The following EEPD1 variants were observed in gnomAD, a reference collection of about 807,000 sequenced individuals.
EEPD1 encodes the protein endonuclease/exonuclease/phosphatase family domain containing 1.
EEPD1 carries 17 observed loss-of-function variants against 46.3 expected under a neutral mutation model. The observed-to-expected ratio is 0.37, with a 90% CI of 0.25 to 0.55. The LOEUF (loss-of-function observed/expected upper bound fraction) is 0.55, where lower values mean the gene tolerates loss of function less well. Among genes scored for constraint, EEPD1 ranks in the 20% least tolerant of loss-of-function variants. The probability of loss-of-function intolerance (pLI) is 0.83; values close to 1 mark genes in which losing one functional copy is unlikely to be tolerated. For missense variants in EEPD1, 673 were observed against 745.6 expected (o/e 0.90, Z 1.13); for synonymous variants, 313 against 315.6 (o/e 0.99, Z 0.09).
intron 3 of EEPD1, among the ~76,000 whole-genome samples, chr7:36,242,495 C>T (rs187330183): frequency 1.1e-3 from 172 of 152,254 alleles, no homozygotes; most frequent in Non-Finnish European, 2.3e-3. Context: ...GTTGAGCTTC[C>T]AGTGTGCCAG....
At position 36,299,538 on chromosome 7, in the gene EEPD1, GAGA is replaced by G. The variant is rs578089413; in HGVS notation, c.*338_*340del. 5.9e-4 allele frequency: 198 copies of G among 336,562 alleles called. 1 individual carries two copies. The highest frequency in any genetic ancestry group is 3.8e-3 in the African/African-American group (184 of 48,130). The allele number at this position is 336,562 out of a possible 1,614,324, so 20.8% of individuals were successfully genotyped here. ...ACAAAGACAATATGAGCAGAGGGAGGAGAAGAAGGGGTGCTCAGGCTGCGGGCC... is the reference window on the plus strand; with the variant it reads ...ACAAAGACAATATGAGCAGAGGGAGGAGAAGGGGTGCTCAGGCTGCGGGCC... On this transcript the variant is annotated 3_prime_UTR_variant, in exon 8 of 8. Coordinates refer to ENST00000242108, the MANE Select transcript of EEPD1 (RefSeq NM_030636.3).
rs1440628552 is a variant in EEPD1 at position 36,185,743 on chromosome 7, A to G, written c.878+30541A>G. Among the ~76,000 whole-genome samples, 7 of 152,296 alleles carry G rather than the reference A, an allele frequency of 4.6e-5. No homozygotes were observed. The East Asian group carries it at 1.3e-3, about 29-fold the overall frequency. ...GAAAATCATGCCTCTACATCTTCTC[A>G]TGCTTCCTAAGCAGGCTTAAGGTTT... On this transcript the variant is annotated intron_variant, in intron 2 of 7. Transcript: ENST00000242108.
Position 36,299,104 on chromosome 7 carries a change from C to G in EEPD1, c.1608C>G (p.Ala536=). ...CTTCTGAACACTGCCCAGTGCTAGC[C>G]GAGTTCTACACTGAAAAGGACTGGA... ...GVASEHCPVL[A]EFYTEKDWSK... is the part of the protein sequence containing the mutation. The change falls in exon 8 of 8, where the codon GCC becomes GCG. Residue 536 remains alanine, a synonymous_variant. Transcript: ENST00000242108. 6.2e-7 allele frequency: 1 copy of G among 1,611,534 alleles called. No individual in the cohort carries two copies. The highest frequency in any genetic ancestry group is 8.5e-7 in the Non-Finnish European group (1 of 1,177,880).
At chr7:36,161,897 CAA>C (rs10570788) in intron 2 of EEPD1, among the ~76,000 whole-genome samples, 41 of 127,106 alleles carry the variant, frequency 3.2e-4, no homozygotes, top group Non-Finnish European at 3.7e-4. Context: ...CTGTCTCTCT[CAA>C]AAAAAAAAAA....
intron 3 of EEPD1, among the ~76,000 whole-genome samples, chr7:36,280,060 G>C (rs1787236405): frequency 6.6e-6 from 1 of 152,172 alleles, no homozygotes; most frequent in Admixed American, 6.5e-5. Context: ...GAAGGAGTTC[G>C]AGCAGCGGGA....
intron 2 of EEPD1, among the ~76,000 whole-genome samples, chr7:36,176,363 A>G (rs1785179558): frequency 6.6e-6 from 1 of 152,160 alleles, no homozygotes; most frequent in African/African-American, 2.4e-5. Flanking sequence ...AGTTTGGAAG[A>G]AGCAAAGAAG....
chr7:36,188,998 G>T (rs1159943200), intron 2 of EEPD1, among the ~76,000 whole-genome samples: 1 of 152,222 alleles, frequency 6.6e-6, no homozygotes, highest in African/African-American at 2.4e-5. Context: ...TGGATAACCA[G>T]TTGAGTCATT....
At chr7:36,179,072 C>T (rs1432383976) in intron 2 of EEPD1, among the ~76,000 whole-genome samples, 1 of 152,186 alleles carries the variant, frequency 6.6e-6, no homozygotes, top group Non-Finnish European at 1.5e-5. Context: ...AATTTGCAAA[C>T]CAACTTTTTC....
chr7:36,298,105 G>C (rs576208826), intron 7 of EEPD1, among the ~76,000 whole-genome samples: 7 of 152,280 alleles, frequency 4.6e-5, no homozygotes, highest in Non-Finnish European at 1.0e-4. Flanking sequence ...TGTCATGGGA[G>C]GACCCAAATG....
intron 3 of EEPD1, among the ~76,000 whole-genome samples, chr7:36,263,472 A>G (rs1334593755): frequency 6.6e-6 from 1 of 152,238 alleles, no homozygotes; most frequent in Admixed American, 6.5e-5. Context: ...ACAAGGAGAC[A>G]GTCAAGAAAT....
rs960301890 is a variant in EEPD1 at position 36,155,057 on chromosome 7, C to T, written c.733C>T (p.Arg245Trp). 1 of 1,597,248 alleles carries T rather than the reference C, an allele frequency of 6.3e-7. No individual in the cohort carries two copies. The highest frequency in any genetic ancestry group is 8.5e-7 in the Non-Finnish European group (1 of 1,170,258). Residue 245 changes from arginine to tryptophan, a missense_variant, in exon 2 of 8, where the codon CGG becomes TGG. Physicochemically the swap from Arg to Trp is moderately radical, Grantham distance 101 (BLOSUM62 -3). Transcript: ENST00000242108. ...GGGGCCCACCCAGATTATCTCCACTCGGCCGTCCGTGGAGGCCTTTGGAGG... is the reference window on the plus strand; with the variant it reads ...GGGGCCCACCCAGATTATCTCCACTTGGCCGTCCGTGGAGGCCTTTGGAGG... The part of the protein sequence containing the change: ...PGGPTQIIST[R>W]PSVEAFGGTR...
chr7:36,243,504 G>A (rs1306124424), intron 3 of EEPD1, among the ~76,000 whole-genome samples: 1 of 152,136 alleles, frequency 6.6e-6, no homozygotes, highest in Non-Finnish European at 1.5e-5. Context: ...CTGTCATGCA[G>A]CTGAGCTTCA....
At chr7:36,191,448 G>A (rs1785459690) in intron 2 of EEPD1, among the ~76,000 whole-genome samples, 1 of 152,184 alleles carries the variant, frequency 6.6e-6, no homozygotes, top group African/African-American at 2.4e-5. Flanking sequence ...GCAGGAGAGG[G>A]GCAGAGATGC....
chr7:36,215,239 G>A (rs982639786), intron 2 of EEPD1, among the ~76,000 whole-genome samples: 9 of 152,200 alleles, frequency 5.9e-5, no homozygotes, highest in African/African-American at 1.9e-4. Flanking sequence ...ACCCCGCAGC[G>A]CTGCACCAGG....
intron 2 of EEPD1, among the ~76,000 whole-genome samples, chr7:36,170,611 A>G (rs1237347308): frequency 4.9e-5 from 7 of 142,668 alleles, no homozygotes; most frequent in Non-Finnish European, 1.5e-5. Context: ...AGATTAAATT[A>G]TCTTTTTTTC....
chr7:36,208,230 G>T (rs866175738), intron 2 of EEPD1, among the ~76,000 whole-genome samples: 8 of 152,116 alleles, frequency 5.3e-5, no homozygotes, highest in African/African-American at 1.9e-4. Flanking sequence ...AGGCTTACTG[G>T]GGCCAGAGGC....
chr7:36,245,723 TG>T (rs1448605233), intron 3 of EEPD1, among the ~76,000 whole-genome samples: 1 of 152,274 alleles, frequency 6.6e-6, no homozygotes, highest in Non-Finnish European at 1.5e-5. Context: ...CATGAGCAGA[TG>T]ATCTAAGATG....
At chr7:36,160,685 G>GGGGA (rs1364916317) in intron 2 of EEPD1, among the ~76,000 whole-genome samples, 1 of 150,158 alleles carries the variant, frequency 6.7e-6, no homozygotes, top group African/African-American at 2.4e-5. Flanking sequence ...GTGGGGGGCG[G>GGGGA]GGCGTGCATG....
chr7:36,277,639 G>T (rs137868933), intron 3 of EEPD1, among the ~76,000 whole-genome samples: 1 of 152,318 alleles, frequency 6.6e-6, no homozygotes, highest in Non-Finnish European at 1.5e-5. Flanking sequence ...AGTTAGTGCA[G>T]ATAGCTAAGT....
Sources: allele counts gnomAD v4.1 joint callset (sites outside exome capture counted in the v4.1 genomes callset), GRCh38; gene constraint gnomAD v4.1.1; transcripts MANE v1.5; gene names NCBI Gene and HGNC (gene_info 2026-07-23, HGNC 2026-07-21).